The following SPIN1 variants were observed in gnomAD, a reference collection of about 807,000 sequenced individuals.
The protein encoded by SPIN1 is spindlin 1.
Under a neutral mutation model 26.0 loss-of-function variants are expected in SPIN1, and 3 were observed. That is an observed-to-expected ratio of 0.12 (90% CI 0.05 to 0.30). SPIN1 has a LOEUF of 0.30. Ranked by LOEUF, SPIN1 falls within the 10% of genes least tolerant of loss-of-function variation. The pLI, the probability that SPIN1 is intolerant of heterozygous loss-of-function variation, is 1.00. For synonymous variants in SPIN1, 101 were observed against 116.5 expected (o/e 0.87, Z 0.86); for missense variants, 126 against 333.4 (o/e 0.38, Z 4.84).
Position 88,426,443 on chromosome 9 carries a change from A to G in SPIN1, c.-97A>G. 1.0e-6 allele frequency: 1 copy of G among 959,042 alleles called. No individual in the cohort carries two copies. Among genetic ancestry groups the G allele is most frequent in the Non-Finnish European group, 1.6e-6 (1 of 615,678 alleles). The allele number at this position is 959,042 out of a possible 1,614,324, so 59.4% of individuals were successfully genotyped here. On this transcript the variant is annotated 5_prime_UTR_variant, in exon 2 of 6. An upstream open reading frame in the 5' UTR loses its in-frame stop. Coordinates refer to ENST00000375859, the MANE Select transcript of SPIN1 (RefSeq NM_006717.3). ...AAAAGAGACACTTGGATGGTGGATT[A>G]ACCAGAACACTAACATTCTGTGAAA...
chr9:88,419,397 A>T (rs1010626313), intron 1 of SPIN1, among the ~76,000 whole-genome samples: 1 of 152,176 alleles, frequency 6.6e-6, no homozygotes, highest in Non-Finnish European at 1.5e-5. Context: ...GCAGCAGGGG[A>T]CCCATGCGTC....
intron 2 of SPIN1, among the ~76,000 whole-genome samples, chr9:88,447,191 T>C (rs1001511505): frequency 2.0e-5 from 3 of 152,208 alleles, no homozygotes; most frequent in African/African-American, 4.8e-5. Context: ...ATTCAGTGAA[T>C]TTTTAATTTC....
At chr9:88,445,678 C>T (rs1828237122) in intron 2 of SPIN1, among the ~76,000 whole-genome samples, 1 of 151,428 alleles carries the variant, frequency 6.6e-6, no homozygotes, top group South Asian at 2.1e-4. Context: ...TTACAGACGC[C>T]CACCACTATG....
intron 5 of SPIN1, among the ~76,000 whole-genome samples, chr9:88,473,024 C>A (rs1828819753): frequency 6.6e-6 from 1 of 152,120 alleles, no homozygotes; most frequent in Non-Finnish European, 1.5e-5. Context: ...TAAAAAAATT[C>A]TTCCTATGAA....
At chr9:88,389,154 C>T (rs1480077913) in intron 1 of SPIN1, among the ~76,000 whole-genome samples, 1 of 152,142 alleles carries the variant, frequency 6.6e-6, no homozygotes, top group African/African-American at 2.4e-5. Flanking sequence ...CCGGAACGCC[C>T]ACCGGCCAGT....
intron 1 of SPIN1, among the ~76,000 whole-genome samples, chr9:88,394,615 A>G (rs183847287): frequency 1.5e-3 from 223 of 152,242 alleles, no homozygotes; most frequent in Middle Eastern, 3.4e-3. Flanking sequence ...AACACTAATA[A>G]GCAACTGTAG....
At chr9:88,408,875 A>G (rs952626011) in intron 1 of SPIN1, among the ~76,000 whole-genome samples, 2 of 151,124 alleles carry the variant, frequency 1.3e-5, no homozygotes, top group East Asian at 3.9e-4. Flanking sequence ...CATGTTGGCC[A>G]GGGTGGTCTC....
intron 2 of SPIN1, among the ~76,000 whole-genome samples, chr9:88,436,083 CTTACTG>C (rs1827993394): frequency 6.6e-6 from 1 of 151,828 alleles, no homozygotes; most frequent in South Asian, 2.2e-4. Flanking sequence ...ACTCTCTTGT[CTTACTG>C]TTTTCTAGCC....
chr9:88,411,028 T>C, intron 1 of SPIN1: 1 of 1,583,462 alleles, frequency 6.3e-7, no homozygotes, highest in Non-Finnish European at 8.6e-7. Context: ...CAAAGCCCCT[T>C]TTCTTGCCAC....
At position 88,419,202 on chromosome 9, in the gene SPIN1, A is replaced by G. The variant is rs183001846; in HGVS notation, c.-158-7180A>G. Among the ~76,000 whole-genome samples the G allele has an allele frequency of 1.8e-3, 280 of 152,058 alleles. 9 individuals carry two copies. In the South Asian group the frequency reaches 0.046, roughly 25 times the overall value. On this transcript the variant is annotated intron_variant, in intron 1 of 5. Coordinates refer to ENST00000375859, the MANE Select transcript of SPIN1 (RefSeq NM_006717.3). ...TACCCTCATTCCTATTACGTGCTCC[A>G]CCCTGGCTCATTCTGATTACCTGCT...
intron 3 of SPIN1, among the ~76,000 whole-genome samples, chr9:88,453,955 G>GT (rs565380710): frequency 1.6e-3 from 244 of 152,182 alleles, no homozygotes; most frequent in African/African-American, 5.8e-3. Flanking sequence ...TACAAGAAAA[G>GT]TTTTTTTTAG....
chr9:88,399,312 G>A (rs892436547), intron 1 of SPIN1, among the ~76,000 whole-genome samples: 8 of 152,198 alleles, frequency 5.3e-5, no homozygotes, highest in Non-Finnish European at 1.0e-4. Flanking sequence ...GATTACAGGC[G>A]TGAGCCACCG....
chr9:88,460,719 A>G (rs1484304639), intron 3 of SPIN1, among the ~76,000 whole-genome samples: 1 of 151,992 alleles, frequency 6.6e-6, no homozygotes, highest in African/African-American at 2.4e-5. Context: ...TCCCTCCTCT[A>G]CCTTTTGTTC....
At chr9:88,426,228 C>A (rs1374720048) in intron 1 of SPIN1, among the ~76,000 whole-genome samples, 154 bp from the exon 2 acceptor site, 1 of 152,054 alleles carries the variant, frequency 6.6e-6, no homozygotes, top group Non-Finnish European at 1.5e-5. Flanking sequence ...TTGTCATGTC[C>A]TAAGAACCCA....
chr9:88,393,383 C>CTGTT (rs1437765487), intron 1 of SPIN1, among the ~76,000 whole-genome samples: 4 of 146,690 alleles, frequency 2.7e-5, no homozygotes, highest in Non-Finnish European at 5.9e-5. Context: ...ATTTGAATTA[C>CTGTT]TGTTGCTTAA....
intron 2 of SPIN1, among the ~76,000 whole-genome samples, chr9:88,427,004 A>G (rs547809998): frequency 6.6e-6 from 1 of 152,320 alleles, no homozygotes; most frequent in Non-Finnish European, 1.5e-5. Context: ...TGGTGTGGAA[A>G]TTTTAATAAA....
chr9:88,472,736 A>T (rs10868784), intron 5 of SPIN1, among the ~76,000 whole-genome samples: 1 of 152,044 alleles, frequency 6.6e-6, no homozygotes. Context: ...TGTGTCTCTC[A>T]CCTTGGCCTC....
At chr9:88,406,325 C>CT (rs1827309430) in intron 1 of SPIN1, among the ~76,000 whole-genome samples, 2 of 148,190 alleles carry the variant, frequency 1.3e-5, no homozygotes, top group South Asian at 2.1e-4. Context: ...GAGTCTCGCT[C>CT]TGTCACCCAG....
intron 1 of SPIN1, among the ~76,000 whole-genome samples, chr9:88,402,961 T>C (rs1225584832): frequency 6.6e-6 from 1 of 152,210 alleles, no homozygotes; most frequent in Admixed American, 6.6e-5. Context: ...CCTTGCCATC[T>C]TCTGTTGTTT....
Sources: gnomAD v4.1 joint callset for allele counts (sites outside exome capture counted in the v4.1 genomes callset) on GRCh38, gnomAD v4.1.1 for gene constraint, MANE v1.5 for transcripts, NCBI Gene and HGNC (gene_info 2026-07-23, HGNC 2026-07-21) for gene names.